ABCA4: variants seen among roughly 807,000 people sequenced by gnomAD.
ABCA4 encodes retinal-specific phospholipid-transporting ATPase ABCA4.
In ABCA4, 196 loss-of-function variants were observed where a neutral mutation model predicts 263.7. The observed-to-expected ratio is 0.74, with a 90% confidence interval of 0.66 to 0.84. ABCA4 has a LOEUF of 0.84. Among genes scored for constraint, ABCA4 ranks in the 40% least tolerant of loss-of-function variants. ABCA4 has a pLI of 0.00. For missense variants in ABCA4, 2,792 were observed against 2,855.1 expected (o/e 0.98, Z 0.50); for synonymous variants, 1,133 against 1,094.2 (o/e 1.04, Z -0.70).
chr1:94,023,235 C>T lies in ABCA4; in HGVS notation c.4667+151G>A, dbSNP rs889146294. On this transcript the variant is annotated intron_variant, in intron 32 of 49. Coordinates refer to ENST00000370225, the MANE Select transcript of ABCA4 (RefSeq NM_000350.3). ...TCTTCTGAGTCTGGGATGTCCCTAG[C>T]CACATATTCTTCAGGACGTGTCTTG... The T allele has an allele frequency of 8.8e-6, 6 of 679,942 alleles. No homozygotes were observed. In the South Asian group the frequency reaches 8.9e-5, roughly 10 times the overall value. The allele number at this position is 679,942 out of a possible 1,614,324, so 42.1% of individuals were successfully genotyped here. A position where few individuals can be genotyped will look rare whatever the true frequency, so the allele number is the denominator to read the frequency against.
intron 49 of ABCA4, among the ~76,000 whole-genome samples, chr1:93,995,436 G>T: frequency 6.6e-6 from 1 of 152,158 alleles, no homozygotes; most frequent in East Asian, 1.9e-4. Context: ...GGATGCTGGT[G>T]CCTCCTCCAG....
Position 94,031,137 on chromosome 1 carries a change from G to T in ABCA4, c.4129-17C>A. ...GAGCACGATCTGTGGGAGAATAGAC[G>T]TGGAATAAACATGACTGTGGCATGG... On this transcript the variant is annotated splice_polypyrimidine_tract_variant and intron_variant, in intron 27 of 49. Coordinates refer to ENST00000370225, the MANE Select transcript of ABCA4 (RefSeq NM_000350.3). The T allele has an allele frequency of 8.7e-6, 14 of 1,613,754 alleles. No individual in the cohort carries two copies. The highest frequency in any genetic ancestry group is 1.1e-5 in the Non-Finnish European group (13 of 1,179,876).
At position 94,103,930 on chromosome 1, in the gene ABCA4, G is replaced by T. The variant is rs569652266; in HGVS notation, c.443-788C>A. 2.6e-5 allele frequency among the ~76,000 whole-genome samples: 4 copies of T among 152,304 alleles called. No individual in the cohort carries two copies. The East Asian group carries it at 7.7e-4, about 29-fold the overall frequency. On this transcript the variant is annotated intron_variant, in intron 4 of 49. Coordinates refer to ENST00000370225, the MANE Select transcript of ABCA4 (RefSeq NM_000350.3). ...GGGTTTCTTTATAAGGAGGCATAAA[G>T]AACACCTAACAGTTAAGGTGACCTT... is the stretch of plus-strand genomic sequence containing the variant.
chr1:94,037,414 C>T, intron 24 of ABCA4, 64 bp from the exon 25 acceptor site: 1 of 1,476,296 alleles, frequency 6.8e-7, no homozygotes, highest in Non-Finnish European at 9.4e-7. Context: ...TGTGAGGTTA[C>T]CCAGATTTCC....
intron 19 of ABCA4, chr1:94,045,784 A>G (rs1486302476): frequency 2.2e-6 from 1 of 456,292 alleles, no homozygotes; most frequent in Admixed American, 2.3e-5. Context: ...ATTCCATCAC[A>G]GGGTGTACAC....
rs1659427689 is a variant in ABCA4, at chr1:94,007,678, C to T, written c.5961G>A (p.Gly1987=). Residue 1987 remains glycine (G), a synonymous_variant, in exon 43 of 50, where the codon GGG becomes GGA. Coordinates refer to ENST00000370225, the MANE Select transcript of ABCA4 (RefSeq NM_000350.3). ...CATCCCCTGAGGTCACTGTGGTGTCCCCAGTGAGCATCTTGAATGTGGTTG... is the reference window on the plus strand; with the variant it reads ...CATCCCCTGAGGTCACTGTGGTGTCTCCAGTGAGCATCTTGAATGTGGTTG... ...GKTTTFKMLT[G]DTTVTSGDAT... is the part of the protein sequence containing the mutation. 7 of 1,614,064 alleles carry T rather than the reference C, an allele frequency of 4.3e-6. No homozygotes were observed. Among genetic ancestry groups the T allele is most frequent in the Non-Finnish European group, 5.9e-6 (7 of 1,180,032 alleles).
intron 6 of ABCA4, among the ~76,000 whole-genome samples, chr1:94,091,029 T>G (rs980175516): frequency 5.9e-5 from 9 of 152,088 alleles, no homozygotes; most frequent in African/African-American, 2.2e-4. Flanking sequence ...GCCCAGGAAT[T>G]CCAGGTGGAG....
intron 16 of ABCA4, among the ~76,000 whole-genome samples, chr1:94,053,107 G>A (rs1439098472): frequency 3.9e-5 from 6 of 152,222 alleles, no homozygotes; most frequent in Non-Finnish European, 8.8e-5. Flanking sequence ...TGGGAGAGTG[G>A]TGCGTCTAGA....
intron 3 of ABCA4, 33 bp downstream of exon 3, chr1:94,111,405 C>T: frequency 6.2e-7 from 1 of 1,611,824 alleles, no homozygotes; most frequent in Non-Finnish European, 8.5e-7. Context: ...TGTGCAACTT[C>T]CTCCCCTGCA....
At chr1:94,063,507 C>T (rs188358627) in intron 11 of ABCA4, among the ~76,000 whole-genome samples, 190 bp from the exon 12 acceptor site, 1 of 152,280 alleles carries the variant, frequency 6.6e-6, no homozygotes, top group African/African-American at 2.4e-5. Context: ...GATGTAGGGG[C>T]GCCAGAGAGC....
Position 94,081,082 on chromosome 1 carries a change from G to A in ABCA4, c.859-364C>T, listed in dbSNP as rs544917926. Among the ~76,000 whole-genome samples the A allele has an allele frequency of 3.5e-3, 533 of 152,162 alleles. 6 individuals are homozygous for A. Among genetic ancestry groups the A allele is most frequent in the African/African-American group, 0.012 (507 of 41,512 alleles). On this transcript the variant is annotated intron_variant, in intron 7 of 49. Coordinates refer to ENST00000370225, the MANE Select transcript of ABCA4 (RefSeq NM_000350.3). ...TATTAAAAATACAAAAAAATTAGCC[G>A]GACATGGTGGCGGGCCCCTGTACTC... is the stretch of plus-strand genomic sequence containing the variant.
At chr1:94,073,163 C>T (rs1349454408) in intron 11 of ABCA4, among the ~76,000 whole-genome samples, 1 of 152,216 alleles carries the variant, frequency 6.6e-6, no homozygotes, top group Non-Finnish European at 1.5e-5. Flanking sequence ...AACACGAGAA[C>T]AGAAGCAGAA....
intron 1 of ABCA4, among the ~76,000 whole-genome samples, chr1:94,117,019 T>TTTCTTTCTTTC (rs981462171): frequency 6.9e-6 from 1 of 144,416 alleles, no homozygotes; most frequent in African/African-American, 2.6e-5. Context: ...TCTTTCTTTC[T>TTTCTTTCTTTC]TTCTTTCCTT....
At chr1:94,076,162 C>A (rs572458230) in intron 11 of ABCA4, among the ~76,000 whole-genome samples, 1 of 152,288 alleles carries the variant, frequency 6.6e-6, no homozygotes, top group Middle Eastern at 3.4e-3. Flanking sequence ...ATAGAAATGG[C>A]CCCATGGTGG....
chr1:94,042,098 C>CAAAAAAA (rs11334956), intron 22 of ABCA4, among the ~76,000 whole-genome samples: 23 of 81,252 alleles, frequency 2.8e-4, no homozygotes, highest in African/African-American at 3.9e-4. Context: ...GATTCTGTCT[C>CAAAAAAA]AAAAAAAAAA....
intron 17 of ABCA4, among the ~76,000 whole-genome samples, chr1:94,049,955 G>A (rs1381781722): frequency 6.6e-6 from 1 of 152,166 alleles, no homozygotes; most frequent in African/African-American, 2.4e-5. Context: ...AGAGAGGAAG[G>A]CAGGGGCAGG....
At chr1:94,098,683 G>A in intron 6 of ABCA4, 111 bp downstream of exon 6, 1 of 1,293,576 alleles carries the variant, frequency 7.7e-7, no homozygotes, top group Non-Finnish European at 1.1e-6. Flanking sequence ...TGGAGCTTTT[G>A]CAAGGATTGT....
chr1:94,098,737 G>T lies in ABCA4; in HGVS notation c.768+57C>A, dbSNP rs1662202534. On this transcript the variant is annotated intron_variant, in intron 6 of 49. Transcript: ENST00000370225. ...GCCCTCCCCAAGGTCAATTCGTGAGGCTCTGCTACCCCAGGAATCACCTTG... is the reference window on the plus strand; with the variant it reads ...GCCCTCCCCAAGGTCAATTCGTGAGTCTCTGCTACCCCAGGAATCACCTTG... 24 of 1,590,518 alleles carry T rather than the reference G, an allele frequency of 1.5e-5. No homozygotes were observed. The South Asian group carries it at 2.0e-4, about 13-fold the overall frequency.
intron 11 of ABCA4, among the ~76,000 whole-genome samples, chr1:94,074,150 CTG>C (rs1432766597): frequency 6.6e-6 from 1 of 152,190 alleles, no homozygotes; most frequent in African/African-American, 2.4e-5. Flanking sequence ...GCTTAAGAAT[CTG>C]TTTTGTAAAC....
Sources: gnomAD v4.1 joint callset for allele counts (sites outside exome capture counted in the v4.1 genomes callset) on GRCh38, gnomAD v4.1.1 for gene constraint, MANE v1.5 for transcripts, NCBI Gene and HGNC (gene_info 2026-07-23, HGNC 2026-07-21) for gene names.